The following VRK2 variants were observed in gnomAD, a reference collection of about 807,000 sequenced individuals.
VRK2 encodes serine/threonine-protein kinase VRK2.
Under a neutral mutation model 57.6 loss-of-function variants are expected in VRK2, and 60 were observed. The observed-to-expected ratio is 1.04, with a 90% CI of 0.85 to 1.29. The LOEUF (loss-of-function observed/expected upper bound fraction) is 1.29. VRK2 is among the 50% of genes most tolerant of loss of function. The pLI, the probability that VRK2 is intolerant of heterozygous loss-of-function variation, is 0.00. For synonymous variants in VRK2, 231 were observed against 199.2 expected, an observed-to-expected ratio of 1.16 and a Z score of -1.35; for missense variants, 705 against 588.1, an observed-to-expected ratio of 1.20 and a Z score of -2.06.
At chr2:58,055,068 G>A (rs557033572) in intron 2 of VRK2, among the ~76,000 whole-genome samples, 1 of 152,284 alleles carries the variant, frequency 6.6e-6, no homozygotes, top group East Asian at 1.9e-4. Context: ...GATGCAATGT[G>A]ATCCCAAGCA....
chr2:57,982,551 G>A (rs1482794564), intron 1 of VRK2, among the ~76,000 whole-genome samples: 2 of 152,172 alleles, frequency 1.3e-5, no homozygotes, highest in Non-Finnish European at 2.9e-5. Context: ...GTATACATTG[G>A]CAGGGATCCA....
At chr2:58,072,664 T>A (rs1317459740) in intron 2 of VRK2, among the ~76,000 whole-genome samples, 1 of 152,040 alleles carries the variant, frequency 6.6e-6, no homozygotes, top group Non-Finnish European at 1.5e-5. Flanking sequence ...GATTTGCTAA[T>A]GTTTTGTTGA....
chr2:58,084,377 TC>T (rs1432933250), intron 3 of VRK2, among the ~76,000 whole-genome samples: 2 of 146,656 alleles, frequency 1.4e-5, no homozygotes, highest in Non-Finnish European at 3.0e-5. Flanking sequence ...CCAAATGCCC[TC>T]CCACCCTCTC....
chr2:57,923,475 G>T (rs746540187), intron 1 of VRK2, among the ~76,000 whole-genome samples: 4 of 151,162 alleles, frequency 2.6e-5, no homozygotes, highest in Non-Finnish European at 5.9e-5. Context: ...TTTTCCTGAT[G>T]ACCAATGATG....
intron 1 of VRK2, among the ~76,000 whole-genome samples, chr2:58,015,469 T>C (rs1272156630): frequency 6.6e-6 from 1 of 152,188 alleles, no homozygotes; most frequent in Non-Finnish European, 1.5e-5. Context: ...GAGAATTCAA[T>C]ACCTATCTCA....
chr2:58,068,376 C>T (rs1474076163), intron 2 of VRK2, among the ~76,000 whole-genome samples: 1 of 152,074 alleles, frequency 6.6e-6, no homozygotes, highest in East Asian at 1.9e-4. Flanking sequence ...TTCATCATTT[C>T]TGATGATAAA....
intron 2 of VRK2, among the ~76,000 whole-genome samples, chr2:58,079,395 T>C (rs1451111752): frequency 6.6e-6 from 1 of 152,098 alleles, no homozygotes; most frequent in Non-Finnish European, 1.5e-5. Context: ...GCCTATCTGT[T>C]TTAATATCTA....
At chr2:58,030,585 G>A (rs1160442166) in intron 2 of VRK2, among the ~76,000 whole-genome samples, 1 of 152,024 alleles carries the variant, frequency 6.6e-6, no homozygotes, top group Non-Finnish European at 1.5e-5. Context: ...TTAGACCCCA[G>A]TAGAAATATC....
In VRK2 at chr2:58,143,968, T is replaced by C. The variant is rs551098288; in HGVS notation, c.1024-2348T>C. Among the ~76,000 whole-genome samples, 31 of 151,614 alleles carry C rather than the reference T, an allele frequency of 2.0e-4. No homozygotes were observed. In the East Asian group the frequency reaches 6.0e-3, roughly 29 times the overall value. On this transcript the variant is annotated intron_variant, in intron 11 of 12. Coordinates refer to ENST00000340157, the MANE Select transcript of VRK2 (RefSeq NM_006296.7). ...GTTTGTGTATATATGTATATACATA[T>C]ATATGTATATATGCACACATATATA...
chr2:58,058,573 A>G, intron 2 of VRK2: 2 of 274,928 alleles, frequency 7.3e-6, no homozygotes, highest in Non-Finnish European at 1.5e-5. Flanking sequence ...GAACACAGAA[A>G]AGTAAAAAAG....
chr2:58,135,780 C>T (rs964633840), intron 10 of VRK2, among the ~76,000 whole-genome samples: 13 of 152,108 alleles, frequency 8.5e-5, no homozygotes, highest in African/African-American at 3.1e-4. Context: ...GTTATCAATA[C>T]ATATTGTATA....
chr2:58,034,367 C>A (rs936444580), intron 3 of VRK2, among the ~76,000 whole-genome samples: 1 of 151,870 alleles, frequency 6.6e-6, no homozygotes, highest in African/African-American at 2.4e-5. Context: ...CCAGTTTGCC[C>A]GCTACCGATT....
intron 1 of VRK2, among the ~76,000 whole-genome samples, chr2:57,990,793 A>G (rs1345606179): frequency 6.6e-6 from 1 of 152,162 alleles, no homozygotes; most frequent in African/African-American, 2.4e-5. Flanking sequence ...TTCACATGGG[A>G]AAAGACTCAG....
chr2:58,119,116 C>T (rs1010576720), intron 7 of VRK2, among the ~76,000 whole-genome samples: 2 of 152,144 alleles, frequency 1.3e-5, no homozygotes, highest in Non-Finnish European at 2.9e-5. Context: ...TTGGCTTGGG[C>T]TCAGAGGCCT....
intron 7 of VRK2, among the ~76,000 whole-genome samples, chr2:58,101,611 C>G (rs989564751): frequency 6.6e-6 from 1 of 151,478 alleles, no homozygotes; most frequent in Non-Finnish European, 1.5e-5. Flanking sequence ...GTGGACTTCT[C>G]TGTGCCACAC....
intron 12 of VRK2, among the ~76,000 whole-genome samples, chr2:58,157,857 T>C (rs1054687449): frequency 2.0e-5 from 3 of 152,170 alleles, no homozygotes; most frequent in African/African-American, 7.2e-5. Context: ...ACATAGACAA[T>C]ACATAAACAA....
intron 2 of VRK2, among the ~76,000 whole-genome samples, chr2:58,079,899 GTCA>G: frequency 6.6e-6 from 1 of 151,792 alleles, no homozygotes; most frequent in Admixed American, 6.6e-5. Flanking sequence ...TTCTATTTAT[GTCA>G]TCATTTTTCT....
chr2:58,069,294 C>G (rs1270653983), intron 2 of VRK2, among the ~76,000 whole-genome samples: 1 of 152,100 alleles, frequency 6.6e-6, no homozygotes, highest in Admixed American at 6.6e-5. Context: ...ATTCAGTGAC[C>G]AGCCTGGGAC....
intron 1 of VRK2, among the ~76,000 whole-genome samples, chr2:57,958,768 C>G (rs560163970): frequency 6.6e-6 from 1 of 152,002 alleles, no homozygotes; most frequent in South Asian, 2.1e-4. Flanking sequence ...ATAGCTAGCT[C>G]ATAAATTAAT....
Sources: allele counts gnomAD v4.1 joint callset (sites outside exome capture counted in the v4.1 genomes callset), GRCh38; gene constraint gnomAD v4.1.1; transcripts MANE v1.5; gene names NCBI Gene and HGNC (gene_info 2026-07-23, HGNC 2026-07-21).